Variants in PGAP2 observed in about 807,000 individuals in gnomAD.
PGAP2 encodes post-GPI attachment to proteins 2, also known as acyltransferase PGAP2.
A neutral mutation model predicts 33.2 loss-of-function variants in PGAP2; 21 were observed. The observed-to-expected ratio is 0.63, with a 90% CI of 0.45 to 0.91. The LOEUF (loss-of-function observed/expected upper bound fraction) is 0.91. Among genes scored for constraint, PGAP2 ranks in the 40% least tolerant of loss-of-function variants. The pLI is 0.00. For missense variants in PGAP2, 345 were observed against 424.0 expected, an observed-to-expected ratio of 0.81 and a Z score of 1.64; for synonymous variants, 161 against 172.9, an observed-to-expected ratio of 0.93 and a Z score of 0.54.
At chr11:3,803,219 C>T (rs1050741303) in intron 1 of PGAP2, among the ~76,000 whole-genome samples, 3 of 151,960 alleles carry the variant, frequency 2.0e-5, no homozygotes, top group African/African-American at 7.3e-5. Context: ...TCTTGAACTC[C>T]TGACCTCAGA....
chr11:3,814,418 G>A (rs7342191), intron 2 of PGAP2, among the ~76,000 whole-genome samples: 7,828 of 151,944 alleles, frequency 0.052, 672 homozygotes, highest in African/African-American at 0.18. Flanking sequence ...CACCACACCT[G>A]GCTAATTTTT....
chr11:3,814,757 T>C (rs1380262039), intron 2 of PGAP2, among the ~76,000 whole-genome samples: 59 of 88,158 alleles, frequency 6.7e-4, no homozygotes, highest in Middle Eastern at 6.0e-3. Flanking sequence ...CTTTTCTTTC[T>C]TTCTTTCTTT....
chr11:3,806,475 G>C (rs1029361676), upstream of PGAP2, among the ~76,000 whole-genome samples: 38 of 152,210 alleles, frequency 2.5e-4, no homozygotes, highest in Non-Finnish European at 1.6e-4. Context: ...GAGTGCGTCT[G>C]AGGTATCTCT....
At chr11:3,817,970 T>C (rs769509493) in intron 3 of PGAP2, 11 of 408,642 alleles carry the variant, frequency 2.7e-5, no homozygotes, top group South Asian at 2.0e-4. Flanking sequence ...TGCTTGAGGC[T>C]GGGAGGTGGA....
chr11:3,811,148 A>G lies in PGAP2; in HGVS notation c.-10-102A>G, dbSNP rs2085476688. The stretch of plus-strand genomic sequence containing the variant: ...CCTTCCTCCTCAGACTCCCCACCCC[A>G]CAGCACACAGCTAATTTTAGGACTG... On this transcript the variant is annotated intron_variant, in intron 1 of 6. Transcript: ENST00000278243. This position sits in a 1 kb window ranked among gnomAD's most constrained non-coding sequence, Gnocchi z 4.6. The G allele has an allele frequency of 5.4e-6, 6 of 1,111,010 alleles. No homozygotes were observed. The highest frequency in any genetic ancestry group is 2.2e-5 in the Admixed American group (1 of 46,068). 68.8% of individuals were successfully genotyped at this position (1,111,010 alleles called of 1,614,324 possible).
At chr11:3,805,711 A>G (rs555995562), upstream of PGAP2, among the ~76,000 whole-genome samples, 20 of 150,038 alleles carry the variant, frequency 1.3e-4, no homozygotes, top group Admixed American at 1.3e-3. Context: ...TTTTTGAGAC[A>G]CGGTCTTGCT....
At position 3,823,012 on chromosome 11, in the gene PGAP2, C is replaced by G. The variant is rs546472469; in HGVS notation, c.349-871C>G. The G allele has an allele frequency of 3.0e-4, 137 of 456,612 alleles. No individual in the cohort carries two copies. The African/African-American group carries it at 3.6e-3, about 12-fold the overall frequency. The allele number at this position is 456,612 out of a possible 1,614,324, so 28.3% of individuals were successfully genotyped here. A position where few individuals can be genotyped will look rare whatever the true frequency, so the allele number is the denominator to read the frequency against. ...ACCCCAGGTTAGGAGCACCCACTTT[C>G]TTTTTTCTTTTCTTTTTTTTTTTTT... On this transcript the variant is annotated intron_variant, in intron 3 of 6. Coordinates refer to ENST00000278243, the MANE Select transcript of PGAP2 (RefSeq NM_014489.4).
rs1477702737 is a variant in PGAP2, at chr11:3,825,354, T to C, written c.844T>C (p.Tyr282His). Residue 282 changes from tyrosine (Y) to histidine (H), a missense_variant, in exon 7 of 7, where the codon TAC becomes CAC. Physicochemically the swap from Tyr to His is moderately conservative, Grantham distance 83. Around this residue, in one of 2 missense-constraint regions of PGAP2, gnomAD observed 311 missense variants for 353.6 expected, o/e 0.88. Transcript: ENST00000278243. Reference sequence around the variant, plus strand: ...GTACACCATCTTTGCCATCCTGGAGTACACTGTTGTCTTAACCAACATGGC... The same window carrying C: ...GTACACCATCTTTGCCATCCTGGAGCACACTGTTGTCTTAACCAACATGGC... ...GVYTIFAILEYTVVLTNMAFH... is the reference protein window; with the variant it reads ...GVYTIFAILEHTVVLTNMAFH... 1 of 1,613,948 alleles carries C rather than the reference T, an allele frequency of 6.2e-7. No individual in the cohort carries two copies. The highest frequency in any genetic ancestry group is 8.5e-7 in the Non-Finnish European group (1 of 1,179,934).
chr11:3,819,840 C>T (rs2088097615), intron 3 of PGAP2, among the ~76,000 whole-genome samples: 1 of 151,886 alleles, frequency 6.6e-6, no homozygotes, highest in African/African-American at 2.4e-5. Flanking sequence ...GTGTATGTGT[C>T]TGTGTGTATA....
chr11:3,801,952 A>G (rs1211528920), intron 1 of PGAP2, among the ~76,000 whole-genome samples: 1 of 151,892 alleles, frequency 6.6e-6, no homozygotes, highest in Non-Finnish European at 1.5e-5. Flanking sequence ...TTCTGTCTCT[A>G]AATAAATAAA....
At position 3,811,329 on chromosome 11, in the gene PGAP2, C is replaced by T; in HGVS notation, c.70C>T (p.Leu24=). Residue 24 remains leucine, a synonymous_variant, in exon 2 of 7, where the codon CTG becomes TTG. Transcript: ENST00000278243. The surrounding 1 kb of genome is among the most constrained non-coding windows in gnomAD (Gnocchi z 4.6). The part of the protein sequence containing the change: ...LVRLRFTMVA[L]VTVCCPLVAF... Reference sequence around the variant, plus strand: ...ACGGCTCCGCTTCACCATGGTGGCCCTGGTCACGGTCTGCTGTCCACTTGT... The same window carrying T: ...ACGGCTCCGCTTCACCATGGTGGCCTTGGTCACGGTCTGCTGTCCACTTGT... 6.2e-7 allele frequency: 1 copy of T among 1,614,092 alleles called. No individual in the cohort carries two copies. Among genetic ancestry groups the T allele is most frequent in the South Asian group, 1.1e-5 (1 of 91,088 alleles).
chr11:3,813,434 A>G (rs2086039407), intron 2 of PGAP2, among the ~76,000 whole-genome samples: 1 of 151,988 alleles, frequency 6.6e-6, no homozygotes, highest in African/African-American at 2.4e-5. Flanking sequence ...CCTAGGCTGG[A>G]GTGCAGTGGC....
chr11:3,814,423 ATT>A (rs1782276079), intron 2 of PGAP2, among the ~76,000 whole-genome samples: 1 of 151,890 alleles, frequency 6.6e-6, no homozygotes, highest in African/African-American at 2.4e-5. Flanking sequence ...CACCTGGCTA[ATT>A]TTTGTATTTT....
intron 2 of PGAP2, among the ~76,000 whole-genome samples, chr11:3,814,812 C>CTT (rs1476117925): frequency 0.015 from 1,488 of 97,272 alleles, 17 homozygotes; most frequent in East Asian, 0.05. Context: ...TTCTTTCTTT[C>CTT]TCTTTCTTTC....
chr11:3,823,742 TA>T, intron 3 of PGAP2, 140 bp from the exon 4 acceptor site: 4 of 1,598,306 alleles, frequency 2.5e-6, no homozygotes, highest in Non-Finnish European at 3.4e-6. Flanking sequence ...TTGGGAGAGG[TA>T]TGGGGACATC....
In PGAP2 at chr11:3,825,537, C is replaced by T. The variant is rs931960126; in HGVS notation, c.*79C>T. ...CGATACCATTCTGGCCTTCCCCACC[C>T]CACATCCTCTCTTGGCCTTACTGAA... On this transcript the variant is annotated 3_prime_UTR_variant, in exon 7 of 7. Transcript: ENST00000278243. 7 of 1,439,292 alleles carry T rather than the reference C, an allele frequency of 4.9e-6. No individual in the cohort carries two copies. Among genetic ancestry groups the T allele is most frequent in the Non-Finnish European group, 4.8e-6 (5 of 1,050,542 alleles). 89.2% of individuals were successfully genotyped at this position (1,439,292 alleles called of 1,614,324 possible). A position where few individuals can be genotyped will look rare whatever the true frequency, so the allele number is the denominator to read the frequency against.
Position 3,825,646 on chromosome 11 carries a change from C to T in PGAP2, c.*188C>T, listed in dbSNP as rs575277934. 33 of 442,640 alleles carry T rather than the reference C, an allele frequency of 7.5e-5. No homozygotes were observed. The highest frequency in any genetic ancestry group is 4.1e-4 in the South Asian group (16 of 39,080). The allele number at this position is 442,640 out of a possible 1,614,324, so 27.4% of individuals were successfully genotyped here. A position where few individuals can be genotyped will look rare whatever the true frequency, so the allele number is the denominator to read the frequency against. On this transcript the variant is annotated 3_prime_UTR_variant, in exon 7 of 7. Coordinates refer to ENST00000278243, the MANE Select transcript of PGAP2 (RefSeq NM_014489.4). ...TTCTCCTCTCCACCCCTCATATGGG[C>T]GTGGGGTCCTCAAACATCACCTTTA... is the stretch of plus-strand genomic sequence containing the variant.
In PGAP2 at chr11:3,824,021, T is replaced by G. The variant is rs2089503359; in HGVS notation, c.487T>G (p.Cys163Gly). The change falls in exon 4 of 7, where the codon TGC becomes GGC. Residue 163 changes from cysteine to glycine, a missense_variant. Cys to Gly is a radical substitution (Grantham distance 159). This residue lies in a region of PGAP2 where 311 missense variants were observed against 353.6 expected (regional missense o/e 0.88). Coordinates refer to ENST00000278243, the MANE Select transcript of PGAP2 (RefSeq NM_014489.4). ...CGCCTACTGGAACCACTACCTCAGC[T>G]GCACCTCCCCGTGTTCCTGCTATCG... The part of the protein sequence containing the change: ...AFAYWNHYLS[C>G]TSPCSCYRPL... The G allele has an allele frequency of 3.1e-6, 5 of 1,613,990 alleles. No homozygotes were observed. The Admixed American group carries it at 8.3e-5, about 27-fold the overall frequency.
Position 3,826,312 on chromosome 11 carries a change from CATTTT to C in PGAP2, c.*859_*863del, listed in dbSNP as rs1332870291. 6.6e-6 allele frequency: 1 copy of C among 152,134 alleles called. No homozygotes were observed. Among genetic ancestry groups the C allele is most frequent in the African/African-American group, 2.4e-5 (1 of 41,408 alleles). 9.4% of individuals were successfully genotyped at this position (152,134 alleles called of 1,614,324 possible). On this transcript the variant is annotated 3_prime_UTR_variant, in exon 7 of 7. Transcript: ENST00000278243. ...CTCCAAACCCTAAATTTTGGTTGTACATTTTATTTGAAAGGAAAATAAATTTTTTT... is the reference window on the plus strand; with the variant it reads ...CTCCAAACCCTAAATTTTGGTTGTACATTTGAAAGGAAAATAAATTTTTTT...
Sources: gnomAD v4.1 joint callset for allele counts (sites outside exome capture counted in the v4.1 genomes callset) on GRCh38, gnomAD v4.1.1 for gene constraint, gnomAD v4.1.1 regional missense constraint, Gnocchi (gnomAD v3.1) non-coding constraint, MANE v1.5 for transcripts, NCBI Gene and HGNC (gene_info 2026-07-23, HGNC 2026-07-21) for gene names.